EPHA3: variants seen among roughly 807,000 people sequenced by gnomAD.
EPHA3 encodes EPH receptor A3, also known as ephrin type-A receptor 3.
EPHA3 carries 42 observed loss-of-function variants against 107.1 expected under a neutral mutation model. That is an observed-to-expected ratio of 0.39 (90% CI 0.31 to 0.51). The LOEUF is 0.51. Among genes scored for constraint, EPHA3 ranks in the 20% least tolerant of loss-of-function variants. The probability of loss-of-function intolerance (pLI) is 0.78; values close to 1 mark genes in which losing one functional copy is unlikely to be tolerated. For synonymous variants in EPHA3, 461 were observed against 424.8 expected, an observed-to-expected ratio of 1.09 and a Z score of -1.05; for missense variants, 1,183 against 1,211.2, an observed-to-expected ratio of 0.98 and a Z score of 0.35.
intron 2 of EPHA3, among the ~76,000 whole-genome samples, chr3:89,137,537 T>A (rs1704341718): frequency 6.6e-6 from 1 of 152,006 alleles, no homozygotes; most frequent in Admixed American, 6.6e-5. Flanking sequence ...AACCTAAGAA[T>A]GCTTAATGGC....
intron 13 of EPHA3, among the ~76,000 whole-genome samples, chr3:89,432,742 A>G (rs970444490): frequency 2.2e-4 from 33 of 152,124 alleles, no homozygotes; most frequent in African/African-American, 8.0e-4. Flanking sequence ...ACAAATAAAT[A>G]ACTCCTCTTT....
At chr3:89,109,389 T>A (rs564625623) in intron 1 of EPHA3, among the ~76,000 whole-genome samples, 1 of 152,138 alleles carries the variant, frequency 6.6e-6, no homozygotes, top group East Asian at 1.9e-4. Flanking sequence ...GTTTTAAAAA[T>A]TTTTGTTCTT....
At chr3:89,243,067 C>T (rs1704945653) in intron 3 of EPHA3, among the ~76,000 whole-genome samples, 1 of 151,952 alleles carries the variant, frequency 6.6e-6, no homozygotes, top group South Asian at 2.1e-4. Context: ...ATCCATGTCC[C>T]TACAAAGGAC....
At chr3:89,296,334 G>A (rs1159366538) in intron 3 of EPHA3, among the ~76,000 whole-genome samples, 1 of 152,116 alleles carries the variant, frequency 6.6e-6, no homozygotes, top group Non-Finnish European at 1.5e-5. Flanking sequence ...CAATAAGACA[G>A]GAAAGTCAAA....
intron 2 of EPHA3, among the ~76,000 whole-genome samples, chr3:89,181,315 AAATG>A (rs1705437877): frequency 6.6e-6 from 1 of 152,022 alleles, no homozygotes. Flanking sequence ...TATATTAAAT[AAATG>A]AATACTACCA....
At position 89,107,637 on chromosome 3, in the gene EPHA3, T is replaced by G. The variant is rs965333050; in HGVS notation, c.-112T>G. ...CTTATCTCCAGTGTCAAACTTGACA[T>G]CAGCCTGCGAGCGGAGCATGGTAAC... On this transcript the variant is annotated 5_prime_UTR_variant, in exon 1 of 17. Coordinates refer to ENST00000336596, the MANE Select transcript of EPHA3 (RefSeq NM_005233.6). 5.9e-6 allele frequency: 6 copies of G among 1,011,474 alleles called. No homozygotes were observed. The highest frequency in any genetic ancestry group is 2.4e-5 in the East Asian group (1 of 41,042). The allele number at this position is 1,011,474 out of a possible 1,614,324, so 62.7% of individuals were successfully genotyped here.
At chr3:89,405,621 A>C (rs559414000) in intron 7 of EPHA3, among the ~76,000 whole-genome samples, 1 of 152,230 alleles carries the variant, frequency 6.6e-6, no homozygotes, top group Admixed American at 6.5e-5. Context: ...TAACCCTAAA[A>C]CCACATATTT....
At chr3:89,304,718 T>A (rs910444579) in intron 3 of EPHA3, among the ~76,000 whole-genome samples, 1 of 152,176 alleles carries the variant, frequency 6.6e-6, no homozygotes, top group Non-Finnish European at 1.5e-5. Flanking sequence ...ATACAAACAA[T>A]GTAATATGCA....
chr3:89,405,342 CCTGTGCTTGAAGG>C (rs1472957597), intron 7 of EPHA3, among the ~76,000 whole-genome samples: 4 of 152,130 alleles, frequency 2.6e-5, no homozygotes, highest in Admixed American at 2.6e-4. Flanking sequence ...GGGTACATAA[CCTGTGCTTGAAGG>C]CTGTAGCTGA....
intron 2 of EPHA3, among the ~76,000 whole-genome samples, chr3:89,149,028 G>T (rs148348690): frequency 6.6e-6 from 1 of 151,846 alleles, no homozygotes; most frequent in African/African-American, 2.4e-5. Context: ...TGAAGCCAGC[G>T]CATACCAATC....
At position 89,282,260 on chromosome 3, in the gene EPHA3, G is replaced by A. The variant is rs534304511; in HGVS notation, c.815-58656G>A. Among the ~76,000 whole-genome samples the A allele has an allele frequency of 6.6e-5, 10 of 152,108 alleles. No homozygotes were observed. In the South Asian group the frequency reaches 1.0e-3, roughly 16 times the overall value. On this transcript the variant is annotated intron_variant, in intron 3 of 16. Coordinates refer to ENST00000336596, the MANE Select transcript of EPHA3 (RefSeq NM_005233.6). ...AATGCTATAATAATCTACTTTCTAA[G>A]GTCACTGAGAAGTGACATTTAAGCT...
intron 5 of EPHA3, among the ~76,000 whole-genome samples, chr3:89,370,913 TGG>T (rs1185266192): frequency 6.6e-6 from 1 of 151,626 alleles, no homozygotes; most frequent in Non-Finnish European, 1.5e-5. Flanking sequence ...CCCCTCAAAC[TGG>T]TACTGCAGTT....
At chr3:89,175,544 A>C (rs1362205635) in intron 2 of EPHA3, among the ~76,000 whole-genome samples, 1 of 152,144 alleles carries the variant, frequency 6.6e-6, no homozygotes, top group African/African-American at 2.4e-5. Flanking sequence ...AACCTTGTTG[A>C]GTTATTAACT....
At chr3:89,169,398 G>T (rs1705159196) in intron 2 of EPHA3, among the ~76,000 whole-genome samples, 1 of 152,182 alleles carries the variant, frequency 6.6e-6, no homozygotes, top group East Asian at 1.9e-4. Flanking sequence ...CTGAAATACA[G>T]CATCTAATCA....
chr3:89,265,312 T>C (rs1319899954), intron 3 of EPHA3, among the ~76,000 whole-genome samples: 3 of 152,196 alleles, frequency 2.0e-5, no homozygotes, highest in Non-Finnish European at 4.4e-5. Context: ...CCTGACCACA[T>C]AATTTTGGGA....
rs147623683 is a variant in EPHA3 at position 89,246,747 on chromosome 3, G to T, written c.814+36227G>T. Among the ~76,000 whole-genome samples the T allele has an allele frequency of 3.2e-3, 489 of 152,300 alleles. 3 individuals carry two copies. Among genetic ancestry groups the T allele is most frequent in the Middle Eastern group, 6.8e-3 (2 of 294 alleles). ...CTAAGGGAATGAAATATGAGTTGTT[G>T]TAAGAAGAATTCCAGGCTTTTCAGA... On this transcript the variant is annotated intron_variant, in intron 3 of 16. Transcript: ENST00000336596.
chr3:89,236,713 C>G (rs1295747799), intron 3 of EPHA3, among the ~76,000 whole-genome samples: 1 of 151,512 alleles, frequency 6.6e-6, no homozygotes, highest in Admixed American at 6.6e-5. Context: ...CACATGTACC[C>G]TAAAACTTAA....
chr3:89,370,689 T>G (rs1708283088), intron 5 of EPHA3, among the ~76,000 whole-genome samples: 1 of 151,110 alleles, frequency 6.6e-6, no homozygotes, highest in Non-Finnish European at 1.5e-5. Context: ...ATACATTAGT[T>G]GTATATAGAC....
chr3:89,181,449 G>A (rs1250988666), intron 2 of EPHA3, among the ~76,000 whole-genome samples: 1 of 151,822 alleles, frequency 6.6e-6, no homozygotes, highest in Non-Finnish European at 1.5e-5. Context: ...AAGCCAGGCA[G>A]ACATTCAAAT....
Sources: allele counts gnomAD v4.1 joint callset (sites outside exome capture counted in the v4.1 genomes callset), GRCh38; gene constraint gnomAD v4.1.1; transcripts MANE v1.5; gene names NCBI Gene and HGNC (gene_info 2026-07-23, HGNC 2026-07-21).